Variants in RPN2 observed in about 807,000 individuals in gnomAD.
The protein encoded by RPN2 is dolichyl-diphosphooligosaccharide--protein glycosyltransferase subunit 2.
In RPN2, 29 loss-of-function variants were observed where a neutral mutation model predicts 71.4. That is an observed-to-expected ratio of 0.41 (90% CI 0.30 to 0.55). The LOEUF (loss-of-function observed/expected upper bound fraction) is 0.55. RPN2 is among the 20% of genes least tolerant of loss of function. RPN2 has a pLI of 0.35. For missense variants in RPN2, 726 were observed against 774.1 expected (o/e 0.94, Z 0.74); for synonymous variants, 308 against 305.0 (o/e 1.01, Z -0.10).
intron 11 of RPN2, among the ~76,000 whole-genome samples, chr20:37,227,894 G>A (rs1458765331): frequency 6.6e-6 from 1 of 152,214 alleles, no homozygotes; most frequent in Non-Finnish European, 1.5e-5. Flanking sequence ...CTAATGCTTA[G>A]CATATGGTAT....
At chr20:37,208,207 TTGCAGTGAGCCGAGAC>T (rs2067562449) in intron 7 of RPN2, among the ~76,000 whole-genome samples, 1 of 150,698 alleles carries the variant, frequency 6.6e-6, no homozygotes, top group Non-Finnish European at 1.5e-5. Context: ...GAGGCAGAGG[TTGCAGTGAGCCGAGAC>T]TGCACCACTG....
intron 1 of RPN2, chr20:37,179,649 A>C: frequency 1.7e-6 from 1 of 593,524 alleles, no homozygotes; most frequent in Non-Finnish European, 2.5e-6. Flanking sequence ...CGCTTAGCCT[A>C]GGTCTGGCCT....
Position 37,232,230 on chromosome 20 carries a change from G to A in RPN2, c.1582-66G>A, listed in dbSNP as rs1054343193. On this transcript the variant is annotated intron_variant, in intron 13 of 16. Transcript: ENST00000237530. The stretch of plus-strand genomic sequence containing the variant: ...GACTGACATTGATGCTTTGGTCCCC[G>A]GTATACATGGCTGCCCCTACTGGGA... 1.2e-5 allele frequency: 19 copies of A among 1,585,416 alleles called. No individual in the cohort carries two copies. The African/African-American group carries it at 1.3e-4, about 11-fold the overall frequency.
intron 2 of RPN2, among the ~76,000 whole-genome samples, chr20:37,185,945 C>G (rs750100684): frequency 6.6e-6 from 1 of 152,226 alleles, no homozygotes; most frequent in African/African-American, 2.4e-5. Flanking sequence ...TTCATGTTGT[C>G]GTATTGTCAG....
chr20:37,221,734 A>G (rs552365629), intron 9 of RPN2, among the ~76,000 whole-genome samples: 2 of 152,304 alleles, frequency 1.3e-5, no homozygotes, highest in African/African-American at 2.4e-5. Flanking sequence ...TATAGCATGG[A>G]GTATTATTGC....
chr20:37,206,455 T>A (rs958564160), intron 6 of RPN2, among the ~76,000 whole-genome samples: 8 of 152,168 alleles, frequency 5.3e-5, no homozygotes, highest in Admixed American at 5.2e-4. Context: ...CATTTGAATG[T>A]TGGTCTTGCT....
intron 6 of RPN2, among the ~76,000 whole-genome samples, chr20:37,207,068 A>G (rs938287003): frequency 4.6e-5 from 7 of 152,152 alleles, no homozygotes; most frequent in Admixed American, 4.6e-4. Flanking sequence ...TTATAAAGGA[A>G]GATGGAAAAA....
At chr20:37,198,595 A>T (rs530880991) in intron 3 of RPN2, 103 bp downstream of exon 3, 2 of 1,545,608 alleles carry the variant, frequency 1.3e-6, no homozygotes, top group African/African-American at 1.4e-5. Flanking sequence ...ATGAGAGTCC[A>T]TTATTGTGAG....
chr20:37,235,580 C>A (rs2068361426), intron 15 of RPN2, among the ~76,000 whole-genome samples: 1 of 152,084 alleles, frequency 6.6e-6, no homozygotes, highest in African/African-American at 2.4e-5. Flanking sequence ...GGCAAATTAT[C>A]CTTACAGTTT....
At chr20:37,195,150 G>A (rs1036411814) in intron 2 of RPN2, among the ~76,000 whole-genome samples, 1 of 152,164 alleles carries the variant, frequency 6.6e-6, no homozygotes, top group Non-Finnish European at 1.5e-5. Flanking sequence ...AGTCTAGAAC[G>A]TTGGAGGGCA....
intron 9 of RPN2, 148 bp from the exon 10 acceptor site, chr20:37,223,730 T>C: frequency 2.9e-6 from 2 of 684,902 alleles, no homozygotes; most frequent in Non-Finnish European, 5.2e-6. Context: ...CTGGGCTGGG[T>C]CAGTGTTATT....
At chr20:37,187,829 G>GA (rs2067045101) in intron 2 of RPN2, among the ~76,000 whole-genome samples, 1 of 152,002 alleles carries the variant, frequency 6.6e-6, no homozygotes, top group Admixed American at 6.6e-5. Context: ...TTTTGGTAGA[G>GA]ATGGGGTTTC....
chr20:37,225,998 C>T (rs538760681), intron 11 of RPN2, among the ~76,000 whole-genome samples, 196 bp downstream of exon 11: 3 of 152,308 alleles, frequency 2.0e-5, no homozygotes, highest in South Asian at 4.1e-4. Flanking sequence ...ACCTGGGATA[C>T]ACCCTTCTTT....
chr20:37,193,415 AAGG>A (rs1275134984), intron 2 of RPN2, among the ~76,000 whole-genome samples: 2 of 152,136 alleles, frequency 1.3e-5, no homozygotes, highest in African/African-American at 4.8e-5. Context: ...TTGAGATTGA[AAGG>A]AGGAGGTGTG....
At chr20:37,198,145 C>G (rs751234488) in intron 2 of RPN2, among the ~76,000 whole-genome samples, 1 of 152,168 alleles carries the variant, frequency 6.6e-6, no homozygotes, top group Non-Finnish European at 1.5e-5. Context: ...ACAGGTGATC[C>G]GGGAAGTGGT....
chr20:37,185,735 C>T (rs1270992492), intron 2 of RPN2, among the ~76,000 whole-genome samples: 1 of 152,216 alleles, frequency 6.6e-6, no homozygotes, highest in African/African-American at 2.4e-5. Context: ...TCAAGTGATC[C>T]TCCTGTCTCA....
chr20:37,182,180 G>A (rs879472023), intron 1 of RPN2, among the ~76,000 whole-genome samples: 17 of 151,776 alleles, frequency 1.1e-4, no homozygotes, highest in Non-Finnish European at 2.1e-4. Context: ...TGCAACTTCC[G>A]CCTCCTGGGT....
intron 2 of RPN2, among the ~76,000 whole-genome samples, chr20:37,194,203 C>T (rs555685388): frequency 6.6e-6 from 1 of 152,112 alleles, no homozygotes; most frequent in South Asian, 2.1e-4. Flanking sequence ...AGCAGTGTGG[C>T]TGTGTGGGAA....
At chr20:37,181,032 C>T (rs2066858574) in intron 1 of RPN2, among the ~76,000 whole-genome samples, 1 of 152,062 alleles carries the variant, frequency 6.6e-6, no homozygotes, top group Non-Finnish European at 1.5e-5. Context: ...AGATCAAGAC[C>T]ATCCTGGCCA....
Sources: allele counts gnomAD v4.1 joint callset (sites outside exome capture counted in the v4.1 genomes callset), GRCh38; gene constraint gnomAD v4.1.1; transcripts MANE v1.5; gene names NCBI Gene and HGNC (gene_info 2026-07-23, HGNC 2026-07-21).